The following ZFP36L2 variants were observed in gnomAD, a reference collection of about 807,000 sequenced individuals.
The protein encoded by ZFP36L2 is mRNA decay activator protein ZFP36L2.
In ZFP36L2, 16 loss-of-function variants were observed where a neutral mutation model predicts 27.9. The ratio of observed to expected loss-of-function variants is 0.57; its 90% confidence interval spans 0.39 to 0.87. The LOEUF is 0.87. ZFP36L2 is among the 40% of genes least tolerant of loss of function. ZFP36L2 has a pLI of 0.00. For missense variants in ZFP36L2, 989 were observed against 726.9 expected, an observed-to-expected ratio of 1.36 and a Z score of -4.15; for synonymous variants, 600 against 363.8, an observed-to-expected ratio of 1.65 and a Z score of -7.39.
intron 1 of ZFP36L2, 63 bp downstream of exon 1, chr2:43,226,202 G>A: frequency 5.2e-6 from 8 of 1,547,610 alleles, no homozygotes; most frequent in South Asian, 4.8e-5. Flanking sequence ...CAGAACCTGG[G>A]GACAGAGGCA....
chr2:43,225,396 G>C lies in ZFP36L2; in HGVS notation c.408C>G (p.His136Gln). The C allele has an allele frequency of 6.2e-7, 1 of 1,613,566 alleles. No individual in the cohort carries two copies. The highest frequency in any genetic ancestry group is 8.5e-7 in the Non-Finnish European group (1 of 1,179,926). ...CGCCCCCCTTCTGCTGCTGCTGCAG[G>C]TGCAGGAGGTGCTGGCTGCGATCGC... ...ENGDRSQHLL[H>Q]LQQQQKGGGG... The change falls in exon 2 of 2, where the codon CAC becomes CAG. Residue 136 changes from histidine (H) to glutamine (Q), a missense_variant. His to Gln is a conservative substitution (Grantham distance 24). Transcript: ENST00000282388.
rs770593136 is a variant in ZFP36L2 at position 43,225,591 on chromosome 2, G to A, written c.213C>T (p.Pro71=). The A allele has an allele frequency of 6.4e-6, 10 of 1,558,770 alleles. No homozygotes were observed. Among genetic ancestry groups the A allele is most frequent in the East Asian group, 2.3e-5 (1 of 42,856 alleles). Residue 71 remains proline, a synonymous_variant, in exon 2 of 2, where the codon CCC becomes CCT. Coordinates refer to ENST00000282388, the MANE Select transcript of ZFP36L2 (RefSeq NM_006887.5). ...CCGGGAACTTGGGCGAGCAGCTGCC[G>A]GGGCTGGGCGCGGGGTGGGCGAGTG... ...LHALAHPAPS[P]GSCSPKFPGA... is the part of the protein sequence containing the mutation.
Position 43,224,974 on chromosome 2 carries a change from G to A in ZFP36L2, c.830C>T (p.Pro277Leu), listed in dbSNP as rs780478324. Residue 277 changes from proline (P) to leucine (L), a missense_variant, in exon 2 of 2, where the codon CCG (proline) becomes CTG (leucine). Transcript: ENST00000282388. ...HHQPPGGLES[P>L]LLLDSPTSRT... Reference sequence around the variant, plus strand: ...CGACGTGGGGCTGTCGAGCAGCAGCGGCGACTCGAGGCCGCCCGGGGGCTG... The same window carrying A: ...CGACGTGGGGCTGTCGAGCAGCAGCAGCGACTCGAGGCCGCCCGGGGGCTG... 19 of 1,579,432 alleles carry A rather than the reference G, an allele frequency of 1.2e-5. No homozygotes were observed. Among genetic ancestry groups the A allele is most frequent in the Non-Finnish European group, 1.6e-5 (19 of 1,174,126 alleles).
rs1038456482 is a variant in ZFP36L2 at position 43,226,357 on chromosome 2, T to C, written c.-42A>G. 1 of 1,555,988 alleles carries C rather than the reference T, an allele frequency of 6.4e-7. No individual in the cohort carries two copies. Among genetic ancestry groups the C allele is most frequent in the Non-Finnish European group, 8.7e-7 (1 of 1,149,668 alleles). The stretch of plus-strand genomic sequence containing the variant: ...GTGGCCGGAGCGGCAGGCCGGGAGG[T>C]CGGGAGGAGCCCTTGGGGCGGCGTG... On this transcript the variant is annotated 5_prime_UTR_variant, in exon 1 of 2. Coordinates refer to ENST00000282388, the MANE Select transcript of ZFP36L2 (RefSeq NM_006887.5).
chr2:43,224,437 C>A lies in ZFP36L2; in HGVS notation c.1367G>T (p.Arg456Leu). 1 of 1,537,138 alleles carries A rather than the reference C, an allele frequency of 6.5e-7. No homozygotes were observed. Among genetic ancestry groups the A allele is most frequent in the Non-Finnish European group, 8.7e-7 (1 of 1,147,878 alleles). The stretch of plus-strand genomic sequence containing the variant: ...CAGGGAGCCGCTTAGGTAGCTGTCG[C>A]GGTCCGACAGCGAGTCCGGGGGGCT... Reference protein sequence around the residue: ...PPSPPDSLSDRDSYLSGSLSS... With the variant: ...PPSPPDSLSDLDSYLSGSLSS... Residue 456 changes from arginine to leucine, a missense_variant, in exon 2 of 2, where the codon CGC (arginine) becomes CTC (leucine). Coordinates refer to ENST00000282388, the MANE Select transcript of ZFP36L2 (RefSeq NM_006887.5).
chr2:43,225,631 G>C lies in ZFP36L2; in HGVS notation c.173C>G (p.Ala58Gly). ...GTGGGCGAGTGCATGCAGGTTGCTG[G>C]CCGAGTGCCGTCGGAGGAATCCCGG... Reference protein sequence around the residue: ...FAPGFLRRHSASNLHALAHPA... With the variant: ...FAPGFLRRHSGSNLHALAHPA... The change falls in exon 2 of 2, where the codon GCC (alanine) becomes GGC (glycine). Residue 58 changes from alanine to glycine, a missense_variant. Ala to Gly is a moderately conservative substitution (Grantham distance 60). Coordinates refer to ENST00000282388, the MANE Select transcript of ZFP36L2 (RefSeq NM_006887.5). 6.4e-7 allele frequency: 1 copy of C among 1,570,330 alleles called. No homozygotes were observed. The highest frequency in any genetic ancestry group is 1.7e-4 in the Middle Eastern group (1 of 5,878).
chr2:43,225,738 C>T lies in ZFP36L2; in HGVS notation c.66G>A (p.Leu22=). Residue 22 remains leucine, a synonymous_variant, in exon 2 of 2, where the codon CTG becomes CTA. Coordinates refer to ENST00000282388, the MANE Select transcript of ZFP36L2 (RefSeq NM_006887.5). ...GCATGTTGTTCAGGTTGAGGTTGGCCAGGGATTTCTCTGTCTGCCAAAGGG... is the reference window on the plus strand; with the variant it reads ...GCATGTTGTTCAGGTTGAGGTTGGCTAGGGATTTCTCTGTCTGCCAAAGGG... ...VDFLCKTEKS[L]ANLNLNNMLD... 2.5e-6 allele frequency: 4 copies of T among 1,592,238 alleles called. No homozygotes were observed. The highest frequency in any genetic ancestry group is 4.6e-5 in the East Asian group (2 of 43,762).
Position 43,225,146 on chromosome 2 carries a change from C to T in ZFP36L2, c.658G>A (p.Glu220Lys). The T allele has an allele frequency of 6.3e-7, 1 of 1,596,696 alleles. No homozygotes were observed. Residue 220 changes from glutamate (E) to lysine (K), a missense_variant, in exon 2 of 2, where the codon GAG (glutamate) becomes AAG (lysine). By Grantham distance (56) the Glu-to-Lys change is moderately conservative. Coordinates refer to ENST00000282388, the MANE Select transcript of ZFP36L2 (RefSeq NM_006887.5). ...PRCHFIHNAD[E>K]RRPAPSGGAS... ...CCCCCCGACGGCGCGGGCCGCCGCT[C>T]GTCCGCGTTGTGGATGAAGTGGCAG... is the stretch of plus-strand genomic sequence containing the variant.
In ZFP36L2 at chr2:43,222,703, GTAAT is replaced by G. The variant is rs1558426677; in HGVS notation, c.*1612_*1615del. On this transcript the variant is annotated 3_prime_UTR_variant, in exon 2 of 2. Transcript: ENST00000282388. ...AATAGTACAAGTTTTGGAATTTTCT[GTAAT>G]TAAACAAGGCATATTCATGTACTAC... The G allele has an allele frequency of 1.3e-5, 2 of 152,408 alleles. No homozygotes were observed. The highest frequency in any genetic ancestry group is 2.1e-4 in the South Asian group (1 of 4,828). 9.4% of individuals were successfully genotyped at this position (152,408 alleles called of 1,614,324 possible). A position where few individuals can be genotyped will look rare whatever the true frequency, so the allele number is the denominator to read the frequency against.
Position 43,225,536 on chromosome 2 carries a change from CGCTGCCGCA to C in ZFP36L2, c.259_267del (p.Cys87_Ser89del). 15 of 1,583,786 alleles carry C rather than the reference CGCTGCCGCA, an allele frequency of 9.5e-6. 1 individual carries two copies. In the South Asian group the frequency reaches 1.1e-4, roughly 12 times the overall value. On this transcript the variant is annotated inframe_deletion, in exon 2 of 2. Transcript: ENST00000282388. ...TAGGAGGTCGGACCGCCGGCCGCCGCGCTGCCGCAGCTGCTGCCGTTAGCGGCGCCCGGG... is the reference window on the plus strand; with the variant it reads ...TAGGAGGTCGGACCGCCGGCCGCCGCGCTGCTGCCGTTAGCGGCGCCCGGG...
At position 43,224,848 on chromosome 2, in the gene ZFP36L2, G is replaced by C. The variant is rs767054314; in HGVS notation, c.956C>G (p.Pro319Arg). The C allele has an allele frequency of 6.8e-7, 1 of 1,461,986 alleles. No individual in the cohort carries two copies. The highest frequency in any genetic ancestry group is 8.9e-7 in the Non-Finnish European group (1 of 1,119,878). The allele number at this position is 1,461,986 out of a possible 1,614,324, so 90.6% of individuals were successfully genotyped here. A position where few individuals can be genotyped will look rare whatever the true frequency, so the allele number is the denominator to read the frequency against. ...GGCCGCCGCGGAGGCGCAGCATGTCGGGGCGCCCGAGGGCGTGGAGGCCGC... is the reference window on the plus strand; with the variant it reads ...GGCCGCCGCGGAGGCGCAGCATGTCCGGGCGCCCGAGGGCGTGGAGGCCGC... ...ASAASTPSGA[P>R]TCCASAAAAA... Residue 319 changes from proline (P) to arginine (R), a missense_variant, in exon 2 of 2, where the codon CCG becomes CGG. By Grantham distance (103) the Pro-to-Arg change is moderately radical (BLOSUM62 -2). Coordinates refer to ENST00000282388, the MANE Select transcript of ZFP36L2 (RefSeq NM_006887.5).
chr2:43,225,669 G>C lies in ZFP36L2; in HGVS notation c.135C>G (p.Ser45Arg). ...GGAGGAATCCCGGCGCGAAGCCCGA[G>C]CTGGGGGCGGCGGCCACAGGCGTCC... is the stretch of plus-strand genomic sequence containing the variant. ...AVGTPVAAAP[S>R]SGFAPGFLRR... Residue 45 changes from serine to arginine, a missense_variant, in exon 2 of 2, where the codon AGC (serine) becomes AGG (arginine). Physicochemically the swap from Ser to Arg is moderately radical, Grantham distance 110 (BLOSUM62 -1). Transcript: ENST00000282388. The C allele has an allele frequency of 1.3e-6, 2 of 1,590,054 alleles. No individual in the cohort carries two copies. Among genetic ancestry groups the C allele is most frequent in the Non-Finnish European group, 1.7e-6 (2 of 1,176,386 alleles).
In ZFP36L2 at chr2:43,224,890, G is replaced by A; in HGVS notation, c.914C>T (p.Ser305Phe). Residue 305 changes from serine (S) to phenylalanine (F), a missense_variant, in exon 2 of 2, where the codon TCC becomes TTC. Coordinates refer to ENST00000282388, the MANE Select transcript of ZFP36L2 (RefSeq NM_006887.5). Reference sequence around the variant, plus strand: ...GGAGGCCGCGGAGGCCGAGGAACAGGAGGAGGCGGAGGAGGAGCAGGACGA... The same window carrying A: ...GGAGGCCGCGGAGGCCGAGGAACAGAAGGAGGCGGAGGAGGAGCAGGACGA... ...SASSCSSSAS[S>F]CSSASAASTP... 1 of 1,531,906 alleles carries A rather than the reference G, an allele frequency of 6.5e-7. No homozygotes were observed. Among genetic ancestry groups the A allele is most frequent in the Non-Finnish European group, 8.7e-7 (1 of 1,155,160 alleles). The allele number at this position is 1,531,906 out of a possible 1,614,324, so 94.9% of individuals were successfully genotyped here.
rs759172579 is a variant in ZFP36L2, at chr2:43,226,431, G to A, written c.-116C>T. On this transcript the variant is annotated 5_prime_UTR_variant, in exon 1 of 2. Transcript: ENST00000282388. ...AACGGGCGAGGGGCGGGGAGGGGCC[G>A]AAAGTTTGCCGGGGGGCGAGAGGAG... 54 of 1,378,304 alleles carry A rather than the reference G, an allele frequency of 3.9e-5. No individual in the cohort carries two copies. Among genetic ancestry groups the A allele is most frequent in the Middle Eastern group, 2.3e-4 (1 of 4,308 alleles). 85.4% of individuals were successfully genotyped at this position (1,378,304 alleles called of 1,614,324 possible).
Position 43,226,300 on chromosome 2 carries a change from G to A in ZFP36L2, c.16C>T (p.Leu6=), listed in dbSNP as rs753420770. 3.7e-5 allele frequency: 59 copies of A among 1,588,434 alleles called. 2 individuals carry two copies. The South Asian group carries it at 5.9e-4, about 16-fold the overall frequency. Residue 6 remains leucine, a synonymous_variant, in exon 1 of 2, where the codon CTG becomes TTG. Coordinates refer to ENST00000282388, the MANE Select transcript of ZFP36L2 (RefSeq NM_006887.5). ...AAGTCGACATCGTAGAAGGCGGACAGAAGTGTGGTCGACATGTTTCTGGAT... is the reference window on the plus strand; with the variant it reads ...AAGTCGACATCGTAGAAGGCGGACAAAAGTGTGGTCGACATGTTTCTGGAT... The part of the protein sequence containing the change: MSTTL[L]SAFYDVDFLC...
chr2:43,225,749 C>A lies in ZFP36L2; in HGVS notation c.55G>T (p.Glu19Ter), dbSNP rs754234264. ...FYDVDFLCKT[E>*]KSLANLNLNN... is the part of the protein sequence containing the mutation. ...AGGTTGAGGTTGGCCAGGGATTTCT[C>A]TGTCTGCCAAAGGGAGGGGAGCGGG... The change falls in exon 2 of 2, where the codon GAG becomes TAG. Residue 19 changes from glutamate to a stop codon, truncating the protein, a stop_gained. Coordinates refer to ENST00000282388, the MANE Select transcript of ZFP36L2 (RefSeq NM_006887.5). LOFTEE classifies it high-confidence loss of function. 1 of 1,590,804 alleles carries A rather than the reference C, an allele frequency of 6.3e-7. No homozygotes were observed. Among genetic ancestry groups the A allele is most frequent in the Non-Finnish European group, 8.5e-7 (1 of 1,176,690 alleles).
chr2:43,224,026 C>A lies in ZFP36L2; in HGVS notation c.*293G>T. 4 of 278,004 alleles carry A rather than the reference C, an allele frequency of 1.4e-5. No individual in the cohort carries two copies. Among genetic ancestry groups the A allele is most frequent in the East Asian group, 5.9e-5 (1 of 16,938 alleles). 17.2% of individuals were successfully genotyped at this position (278,004 alleles called of 1,614,324 possible). ...TTTTTTTGTTCTATTCGTATCACAA[C>A]TGCCCTGTTGTGAATATTTTGTTCA... On this transcript the variant is annotated 3_prime_UTR_variant, in exon 2 of 2. Coordinates refer to ENST00000282388, the MANE Select transcript of ZFP36L2 (RefSeq NM_006887.5).
Position 43,224,813 on chromosome 2 carries a change from C to G in ZFP36L2, c.991G>C (p.Ala331Pro). The G allele has an allele frequency of 7.0e-7, 1 of 1,422,308 alleles. No individual in the cohort carries two copies. The highest frequency in any genetic ancestry group is 1.5e-5 in the South Asian group (1 of 68,374). The allele number at this position is 1,422,308 out of a possible 1,614,324, so 88.1% of individuals were successfully genotyped here. The change falls in exon 2 of 2, where the codon GCC becomes CCC. Residue 331 changes from alanine to proline, a missense_variant. Coordinates refer to ENST00000282388, the MANE Select transcript of ZFP36L2 (RefSeq NM_006887.5). ...CCCCCGGTGCCGTACAGCAGAGCGG[C>G]CGCAGCCGCGGCCGCCGCGGAGGCG... The part of the protein sequence containing the change: ...CCASAAAAAA[A>P]ALLYGTGGAE...
At position 43,223,451 on chromosome 2, in the gene ZFP36L2, A is replaced by T. The variant is rs1667011021; in HGVS notation, c.*868T>A. ...ACAAAATTTTCATTGTATACTTTTCACAAGATAATAAATAAGTTAAATAGT... is the reference window on the plus strand; with the variant it reads ...ACAAAATTTTCATTGTATACTTTTCTCAAGATAATAAATAAGTTAAATAGT... On this transcript the variant is annotated 3_prime_UTR_variant, in exon 2 of 2. Transcript: ENST00000282388. 6.6e-6 allele frequency: 1 copy of T among 152,360 alleles called. No homozygotes were observed. Among genetic ancestry groups the T allele is most frequent in the Non-Finnish European group, 1.5e-5 (1 of 68,048 alleles). 9.4% of individuals were successfully genotyped at this position (152,360 alleles called of 1,614,324 possible).
Sources: allele counts gnomAD v4.1 joint callset, GRCh38; gene constraint gnomAD v4.1.1; transcripts MANE v1.5; gene names NCBI Gene and HGNC (gene_info 2026-07-23, HGNC 2026-07-21).